Variants in COL4A4 observed in about 807,000 individuals in gnomAD.
COL4A4 encodes the protein collagen type IV alpha 4 chain, also known as collagen alpha-4(IV) chain.
A neutral mutation model predicts 192.9 loss-of-function variants in COL4A4; 105 were observed. The ratio of observed to expected loss-of-function variants is 0.54; its 90% confidence interval spans 0.46 to 0.64. The LOEUF (loss-of-function observed/expected upper bound fraction) is 0.64. COL4A4 is among the 30% of genes least tolerant of loss of function. The pLI is 0.00. For missense variants in COL4A4, 1,967 were observed against 2,169.3 expected, an observed-to-expected ratio of 0.91 and a Z score of 1.85; for synonymous variants, 762 against 769.9, an observed-to-expected ratio of 0.99 and a Z score of 0.17.
chr2:227,045,835 CACAT>C lies in COL4A4; in HGVS notation c.3289+1636_3289+1639del, dbSNP rs1408963140. Among the ~76,000 whole-genome samples the C allele has an allele frequency of 5.7e-5, 2 of 35,106 alleles. 1 individual carries two copies. The highest frequency in any genetic ancestry group is 1.0e-4 in the Non-Finnish European group (2 of 19,874). The allele number at this position is 35,106 out of a possible 152,430, so 23.0% of individuals were successfully genotyped here. On this transcript the variant is annotated intron_variant, in intron 35 of 47. Coordinates refer to ENST00000396625, the MANE Select transcript of COL4A4 (RefSeq NM_000092.5). ...ATATATACACATATATATATATACA[CACAT>C]ATATATATACACATATATATATACA...
chr2:227,047,638 GCTTAT>G lies in COL4A4; in HGVS notation c.3215-94_3215-90del. ...CAGTAACGTTTATGGTATTTGTATA[GCTTAT>G]CTTCAGATATTTTAGGAGAGTGTTT... is the stretch of plus-strand genomic sequence containing the variant. On this transcript the variant is annotated intron_variant, in intron 34 of 47. Transcript: ENST00000396625. 8.7e-6 allele frequency: 7 copies of G among 807,486 alleles called. No homozygotes were observed. The Admixed American group carries it at 1.4e-4, about 16-fold the overall frequency. 50.0% of individuals were successfully genotyped at this position (807,486 alleles called of 1,614,324 possible).
chr2:226,972,250 A>G, the COL4A4 span, among the ~76,000 whole-genome samples: 1 of 152,198 alleles, frequency 6.6e-6, no homozygotes, highest in Non-Finnish European at 1.5e-5. Flanking sequence ...CCTGCAAAGG[A>G]CATGATCTCA....
chr2:227,082,242 C>G (rs374963062), intron 22 of COL4A4, 55 bp from the exon 23 acceptor site: 10 of 1,339,150 alleles, frequency 7.5e-6, no homozygotes, highest in South Asian at 1.2e-5. Context: ...TCAACAGTTA[C>G]ATCTGTACAT....
chr2:226,989,569 A>G, the COL4A4 span, among the ~76,000 whole-genome samples: 1 of 152,144 alleles, frequency 6.6e-6, no homozygotes, highest in South Asian at 2.1e-4. Flanking sequence ...GCATGTAGCA[A>G]TTGTCCCACA....
At chr2:227,159,953 C>T (rs1306346810) in intron 1 of COL4A4, among the ~76,000 whole-genome samples, 1 of 152,168 alleles carries the variant, frequency 6.6e-6, no homozygotes, top group Non-Finnish European at 1.5e-5. Flanking sequence ...TATTTCTGTG[C>T]TATATAATAA....
At chr2:227,037,805 T>C (rs888928466) in intron 37 of COL4A4, among the ~76,000 whole-genome samples, 3 of 152,246 alleles carry the variant, frequency 2.0e-5, no homozygotes, top group South Asian at 2.1e-4. Context: ...TGGTATCTCA[T>C]TGTGGTTTTG....
intron 7 of COL4A4, 123 bp from the exon 8 acceptor site, chr2:227,114,819 G>T: frequency 1.3e-6 from 1 of 773,646 alleles, no homozygotes; most frequent in African/African-American, 1.7e-5. Context: ...TTAACAAGAA[G>T]ACATTTCTGT....
intron 1 of COL4A4, among the ~76,000 whole-genome samples, chr2:227,150,519 AT>A (rs1242630871): frequency 2.6e-5 from 4 of 152,142 alleles, no homozygotes; most frequent in African/African-American, 9.7e-5. Flanking sequence ...TATAATAAAA[AT>A]TTTTTAACTA....
chr2:227,118,872 T>G (rs2125003003), intron 6 of COL4A4, 111 bp from the exon 7 acceptor site: 2 of 776,786 alleles, frequency 2.6e-6, no homozygotes, highest in Non-Finnish European at 4.5e-6. Flanking sequence ...CATTTACTGT[T>G]TAGTTTTGTG....
intron 25 of COL4A4, among the ~76,000 whole-genome samples, chr2:227,075,717 C>A (rs2058987784): frequency 6.6e-6 from 1 of 152,112 alleles, no homozygotes; most frequent in Non-Finnish European, 1.5e-5. Flanking sequence ...TTGCAGATGA[C>A]ATGATTGTAT....
Position 227,089,588 on chromosome 2 carries a change from C to CATATATATAT in COL4A4, c.1459+270_1459+279dup, listed in dbSNP as rs527917534. On this transcript the variant is annotated intron_variant, in intron 21 of 47. Transcript: ENST00000396625. ...CAAAATTCATGGCAGGCAAATGTTC[C>CATATATATAT]ATATATATATATATATATATACATA... Among the ~76,000 whole-genome samples, 410 of 102,160 alleles carry CATATATATAT rather than the reference C, an allele frequency of 4.0e-3. 15 individuals carry two copies. Among genetic ancestry groups the CATATATATAT allele is most frequent in the South Asian group, 0.011 (30 of 2,690 alleles). The allele number at this position is 102,160 out of a possible 152,430, so 67.0% of individuals were successfully genotyped here. A position where few individuals can be genotyped will look rare whatever the true frequency, so the allele number is the denominator to read the frequency against.
intron 4 of COL4A4, among the ~76,000 whole-genome samples, chr2:227,125,775 G>T (rs1303666940): frequency 1.3e-5 from 2 of 152,092 alleles, no homozygotes; most frequent in Non-Finnish European, 2.9e-5. Context: ...TCCTGCCCCT[G>T]TTCTGGAGAA....
chr2:227,164,395 C>A (rs2065116185), upstream of COL4A4: 1 of 455,634 alleles, frequency 2.2e-6, no homozygotes, highest in Admixed American at 3.6e-5. The surrounding 1 kb of genome is among the most constrained non-coding windows in gnomAD (Gnocchi z 4.8). Context: ...TAACCCCTTA[C>A]CCTGGATCCG....
intron 30 of COL4A4, among the ~76,000 whole-genome samples, chr2:227,055,178 A>T (rs763581098): frequency 6.6e-6 from 1 of 152,134 alleles, no homozygotes; most frequent in Non-Finnish European, 1.5e-5. Flanking sequence ...CCTAACGCTG[A>T]GTTTGTATTC....
downstream of COL4A4, among the ~76,000 whole-genome samples, chr2:227,001,480 A>G (rs972024546): frequency 2.6e-5 from 4 of 152,078 alleles, no homozygotes; most frequent in African/African-American, 7.2e-5. Context: ...TGGATGGGCT[A>G]CCTTAGAACC....
At chr2:227,124,719 A>G (rs992369209) in intron 4 of COL4A4, among the ~76,000 whole-genome samples, 4 of 152,264 alleles carry the variant, frequency 2.6e-5, no homozygotes, top group African/African-American at 9.6e-5. Flanking sequence ...ATTCTAAACT[A>G]CGATCTAAAA....
chr2:227,087,057 A>G (rs1383785185), intron 22 of COL4A4, among the ~76,000 whole-genome samples: 1 of 152,202 alleles, frequency 6.6e-6, no homozygotes, highest in Non-Finnish European at 1.5e-5. Flanking sequence ...GTTCCAGGCC[A>G]TCCCAGGATT....
At chr2:227,027,461 A>C (rs1487158031) in intron 42 of COL4A4, among the ~76,000 whole-genome samples, 9 of 139,758 alleles carry the variant, frequency 6.4e-5, no homozygotes, top group African/African-American at 2.4e-4. Context: ...GGAACATCAC[A>C]CACTGGGGCC....
Position 227,091,304 on chromosome 2 carries a change from A to T in COL4A4, c.1370-1347T>A, listed in dbSNP as rs1004602945. ...GATATAGATATAGATATAGATATAA[A>T]TAGATCATGAGAGCAGAAATTTAAA... On this transcript the variant is annotated intron_variant, in intron 20 of 47. Transcript: ENST00000396625. 6.0e-5 allele frequency among the ~76,000 whole-genome samples: 9 copies of T among 151,056 alleles called. No individual in the cohort carries two copies. In the East Asian group the frequency reaches 1.5e-3, roughly 26 times the overall value.
Sources: allele counts gnomAD v4.1 joint callset (sites outside exome capture counted in the v4.1 genomes callset), GRCh38; gene constraint gnomAD v4.1.1; non-coding constraint Gnocchi (gnomAD v3.1); transcripts MANE v1.5; gene names NCBI Gene and HGNC (gene_info 2026-07-23, HGNC 2026-07-21).